SLC25A18: variants seen among roughly 807,000 people sequenced by gnomAD.
SLC25A18 encodes solute carrier family 25 member 18, also known as mitochondrial glutamate carrier 2.
Under a neutral mutation model 31.1 loss-of-function variants are expected in SLC25A18, and 24 were observed. The observed-to-expected ratio is 0.77, with a 90% CI of 0.56 to 1.08. SLC25A18 has a LOEUF of 1.08. Among genes scored for constraint, SLC25A18 ranks in the 50% least tolerant of loss-of-function variants. The probability of loss-of-function intolerance (pLI) is 0.00; values close to 1 mark genes in which losing one functional copy is unlikely to be tolerated. For missense variants in SLC25A18, 371 were observed against 418.5 expected (o/e 0.89, Z 0.99); for synonymous variants, 173 against 161.9 (o/e 1.07, Z -0.52).
At chr22:17,570,780 C>A (rs1404106333) in intron 2 of SLC25A18, among the ~76,000 whole-genome samples, 6 of 152,194 alleles carry the variant, frequency 3.9e-5, no homozygotes, top group Non-Finnish European at 8.8e-5. Context: ...GCCACCGTGC[C>A]CAGCCTCAAG....
At chr22:17,568,354 A>C (rs1323213994) in intron 1 of SLC25A18, among the ~76,000 whole-genome samples, 3 of 146,536 alleles carry the variant, frequency 2.0e-5, no homozygotes, top group Non-Finnish European at 4.5e-5. Flanking sequence ...GTGACAGAGC[A>C]AGACTCCATC....
intron 1 of SLC25A18, among the ~76,000 whole-genome samples, chr22:17,565,074 GTT>G (rs1164299667): frequency 6.6e-6 from 1 of 151,274 alleles, no homozygotes; most frequent in Admixed American, 6.6e-5. Flanking sequence ...TTCTGTTTTT[GTT>G]TTGTTTTGTT....
rs917881136 is a variant in SLC25A18, at chr22:17,563,559, AT to A, written c.-413del. On this transcript the variant is annotated 5_prime_UTR_variant, in exon 1 of 11. Coordinates refer to ENST00000327451, the MANE Select transcript of SLC25A18 (RefSeq NM_031481.3). ...TTCTAGCCAGTTAAAGCTGGACAGA[AT>A]TTTTAAAAGCAATGAAGCCAGTTCC... The A allele has an allele frequency of 1.8e-6, 1 of 540,854 alleles. No individual in the cohort carries two copies. Among genetic ancestry groups the A allele is most frequent in the African/African-American group, 2.1e-5 (1 of 48,724 alleles). The allele number at this position is 540,854 out of a possible 1,614,324, so 33.5% of individuals were successfully genotyped here. A position where few individuals can be genotyped will look rare whatever the true frequency, so the allele number is the denominator to read the frequency against.
intron 2 of SLC25A18, among the ~76,000 whole-genome samples, chr22:17,575,755 TAAGA>T (rs2057214924): frequency 1.3e-5 from 2 of 152,186 alleles, no homozygotes. Flanking sequence ...CTTTTGACAC[TAAGA>T]ACATGCAAAC....
At chr22:17,582,974 T>C (rs568391471) in intron 6 of SLC25A18, among the ~76,000 whole-genome samples, 81 of 151,612 alleles carry the variant, frequency 5.3e-4, no homozygotes, top group African/African-American at 1.8e-3. Context: ...CTTTAGGAGG[T>C]TGAGGAAGGA....
intron 2 of SLC25A18, among the ~76,000 whole-genome samples, chr22:17,571,161 C>T (rs527626658): frequency 6.6e-6 from 1 of 152,288 alleles, no homozygotes; most frequent in Non-Finnish European, 1.5e-5. Context: ...GAAGGCAGCC[C>T]CCGCGCCCTT....
At chr22:17,588,655 GTAAA>G (rs1436034347) in intron 9 of SLC25A18, 2 of 151,762 alleles carry the variant, frequency 1.3e-5, no homozygotes, top group Non-Finnish European at 2.9e-5. Context: ...ATCTCAAAAA[GTAAA>G]TAAATACATA....
In SLC25A18 at chr22:17,581,430, C is replaced by T; in HGVS notation, c.199+17C>T. 6.2e-7 allele frequency: 1 copy of T among 1,613,776 alleles called. No individual in the cohort carries two copies. Among genetic ancestry groups the T allele is most frequent in the East Asian group, 2.2e-5 (1 of 44,866 alleles). On this transcript the variant is annotated intron_variant, in intron 5 of 10. Transcript: ENST00000327451. The stretch of plus-strand genomic sequence containing the variant: ...TGTACCGAGGTGGGCTTCTCAGGTC[C>T]CCTGGGAGGCTGGGCAGCAGGTGTG...
chr22:17,569,736 A>C (rs2057038358), intron 1 of SLC25A18, 188 bp from the exon 2 acceptor site: 11 of 985,316 alleles, frequency 1.1e-5, no homozygotes, highest in Non-Finnish European at 8.4e-6. Context: ...GGGGAGGTGC[A>C]GCGTGGCTTG....
rs1425963609 is a variant in SLC25A18 at position 17,579,383 on chromosome 22, G to A, written c.-200-362G>A. Among the ~76,000 whole-genome samples, 4 of 152,134 alleles carry A rather than the reference G, an allele frequency of 2.6e-5. No individual in the cohort carries two copies. In the East Asian group the frequency reaches 5.8e-4, roughly 22 times the overall value. The stretch of plus-strand genomic sequence containing the variant: ...ATTACAGGCATGAGCCACCACGCCC[G>A]GCCATCTTAAGTATTTTATTGTAGT... On this transcript the variant is annotated intron_variant, in intron 2 of 10. Transcript: ENST00000327451.
At position 17,587,228 on chromosome 22, in the gene SLC25A18, C is replaced by A. The variant is rs1365671180; in HGVS notation, c.502C>A (p.Leu168Ile). The A allele has an allele frequency of 2.5e-6, 4 of 1,614,038 alleles. No individual in the cohort carries two copies. The African/African-American group carries it at 4.0e-5, about 16-fold the overall frequency. ...ASTHRRPSATLIAWELLRTQG... is the reference protein window; with the variant it reads ...ASTHRRPSATIIAWELLRTQG... ...CACCCACAGGCGCCCCTCTGCCACC[C>A]TCATTGCCTGGGAGCTGCTCCGCAC... is the stretch of plus-strand genomic sequence containing the variant. Residue 168 changes from leucine to isoleucine, a missense_variant, in exon 8 of 11, where the codon CTC becomes ATC. Coordinates refer to ENST00000327451, the MANE Select transcript of SLC25A18 (RefSeq NM_031481.3).
At chr22:17,573,793 C>T (rs1210197809) in intron 2 of SLC25A18, among the ~76,000 whole-genome samples, 1 of 152,124 alleles carries the variant, frequency 6.6e-6, no homozygotes, top group African/African-American at 2.4e-5. Context: ...TCCCAGTAAC[C>T]CTTGTTCTCT....
At chr22:17,585,114 G>A (rs563966313) in intron 7 of SLC25A18, among the ~76,000 whole-genome samples, 218 of 151,682 alleles carry the variant, frequency 1.4e-3, no homozygotes, top group African/African-American at 5.1e-3. Context: ...AAAGCAGCTG[G>A]GCGTAGTGGC....
chr22:17,563,840 A>G (rs2056866430), intron 1 of SLC25A18, 127 bp downstream of exon 1: 1 of 465,612 alleles, frequency 2.1e-6, no homozygotes, highest in Admixed American at 6.4e-5. Context: ...TACAGAATAC[A>G]GAAAAACTGG....
intron 2 of SLC25A18, among the ~76,000 whole-genome samples, chr22:17,575,111 C>T (rs2057200359): frequency 6.6e-6 from 1 of 152,072 alleles, no homozygotes; most frequent in Admixed American, 6.6e-5. Context: ...CTCGGCCTCC[C>T]ACAGTGCTGG....
chr22:17,580,960 C>T (rs925762258), intron 3 of SLC25A18, 77 bp from the exon 4 acceptor site: 11 of 1,484,068 alleles, frequency 7.4e-6, no homozygotes, highest in Non-Finnish European at 8.1e-6. Flanking sequence ...GTGCCCCTGC[C>T]CATTCCTGGC....
intron 5 of SLC25A18, 76 bp downstream of exon 5, chr22:17,581,489 C>T: frequency 1.3e-6 from 2 of 1,537,250 alleles, no homozygotes; most frequent in South Asian, 1.1e-5. Flanking sequence ...GTGTTCCTTC[C>T]GTTGCTGCGG....
intron 1 of SLC25A18, among the ~76,000 whole-genome samples, chr22:17,566,508 G>A (rs2056941656): frequency 6.6e-6 from 1 of 152,076 alleles, no homozygotes; most frequent in Non-Finnish European, 1.5e-5. Flanking sequence ...CGCCTCACGG[G>A]TTCAAGCGGT....
chr22:17,590,158 C>T lies in SLC25A18; in HGVS notation c.870C>T (p.Val290=), dbSNP rs778628488. Residue 290 remains valine (V), a synonymous_variant, in exon 11 of 11, where the codon GTC becomes GTT. Transcript: ENST00000327451. ...FMKGAGCRAL[V]IAPLFGIAQG... is the part of the protein sequence containing the mutation. Reference sequence around the variant, plus strand: ...AAGGCGCTGGCTGCCGGGCACTGGTCATAGCACCTCTCTTTGGGATTGCTC... The same window carrying T: ...AAGGCGCTGGCTGCCGGGCACTGGTTATAGCACCTCTCTTTGGGATTGCTC... 1.7e-5 allele frequency: 27 copies of T among 1,614,108 alleles called. No individual in the cohort carries two copies. The highest frequency in any genetic ancestry group is 2.0e-5 in the Non-Finnish European group (24 of 1,180,062).
Sources: allele counts gnomAD v4.1 joint callset (sites outside exome capture counted in the v4.1 genomes callset), GRCh38; gene constraint gnomAD v4.1.1; transcripts MANE v1.5; gene names NCBI Gene and HGNC (gene_info 2026-07-23, HGNC 2026-07-21).